The following ADRA1A variants were observed in gnomAD, a reference collection of about 807,000 sequenced individuals.
The protein encoded by ADRA1A is alpha-1A adrenergic receptor.
Under a neutral mutation model 29.6 loss-of-function variants are expected in ADRA1A, and 31 were observed. The observed-to-expected ratio is 1.05, with a 90% CI of 0.79 to 1.41. The LOEUF is 1.41. ADRA1A is among the 40% of genes most tolerant of loss of function. The pLI, the probability that ADRA1A is intolerant of heterozygous loss-of-function variation, is 0.00. For synonymous variants in ADRA1A, 311 were observed against 254.3 expected (o/e 1.22, Z -2.12); for missense variants, 619 against 601.1 (o/e 1.03, Z -0.31).
chr8:26,839,526 T>A (rs1811662869), intron 2 of ADRA1A, among the ~76,000 whole-genome samples: 1 of 152,162 alleles, frequency 6.6e-6, no homozygotes, highest in Non-Finnish European at 1.5e-5. Flanking sequence ...ACCTGTACAA[T>A]GATTTTGGTC....
rs1366863791 is a variant in ADRA1A at position 26,841,636 on chromosome 8, T to C, written c.883+22451A>G. 6.6e-6 allele frequency among the ~76,000 whole-genome samples: 1 copy of C among 152,174 alleles called. No individual in the cohort carries two copies. Among genetic ancestry groups the C allele is most frequent in the Non-Finnish European group, 1.5e-5 (1 of 68,036 alleles). On this transcript the variant is annotated intron_variant, in intron 2 of 2. Coordinates refer to ENST00000380573, the MANE Select transcript of ADRA1A (RefSeq NM_000680.4). This position sits in a 1 kb window ranked among gnomAD's most constrained non-coding sequence, Gnocchi z 4.4. Reference sequence around the variant, plus strand: ...TCCACTTTTATTTCCACATCCTCCATGACAAGCCTCCTGTCCCTAACATTC... The same window carrying C: ...TCCACTTTTATTTCCACATCCTCCACGACAAGCCTCCTGTCCCTAACATTC...
intron 2 of ADRA1A, among the ~76,000 whole-genome samples, chr8:26,839,767 T>C (rs1056320111): frequency 1.2e-4 from 19 of 152,096 alleles, no homozygotes; most frequent in African/African-American, 4.6e-4. Flanking sequence ...TCACCAAGCC[T>C]AGAAAATAGG....
At chr8:26,827,617 CTTTCTTTTTTT>C (rs1020477381) in intron 2 of ADRA1A, among the ~76,000 whole-genome samples, 15 of 151,398 alleles carry the variant, frequency 9.9e-5, no homozygotes, top group African/African-American at 2.9e-4. Flanking sequence ...TCTTTCTTTT[CTTTCTTTTTTT>C]TTTCTTTTTT....
At position 26,831,366 on chromosome 8, in the gene ADRA1A, CAG is replaced by C. The variant is rs372634911; in HGVS notation, c.883+32719_883+32720del. 2.0e-4 allele frequency among the ~76,000 whole-genome samples: 30 copies of C among 150,050 alleles called. No homozygotes were observed. Among genetic ancestry groups the C allele is most frequent in the Non-Finnish European group, 2.5e-4 (17 of 67,248 alleles). On this transcript the variant is annotated intron_variant, in intron 2 of 2. Transcript: ENST00000380573. The surrounding 1 kb of genome is among the most constrained non-coding windows in gnomAD (Gnocchi z 5.2). Reference sequence around the variant, plus strand: ...AGAAGAGATGCCAATGATGACGAGGCAGAGAGAGAGAGAGAAGGAGAGAGAGA... The same window carrying C: ...AGAAGAGATGCCAATGATGACGAGGCAGAGAGAGAGAGAAGGAGAGAGAGA...
At chr8:26,854,416 A>AGGGGGGGGGGGGGGGGG (rs1200564632) in intron 2 of ADRA1A, 1 of 18,700 alleles carries the variant, frequency 5.3e-5, no homozygotes. Context: ...CTGAAGTTAA[A>AGGGGGGGGGGGGGGGGG]GCGGGGCGGG....
chr8:26,750,514 G>A (rs1187699357), intron 2 of ADRA1A, among the ~76,000 whole-genome samples: 1 of 152,100 alleles, frequency 6.6e-6, no homozygotes, highest in Non-Finnish European at 1.5e-5. Context: ...GTCTCTTCCT[G>A]TAAGGACAAA....
At chr8:26,757,531 G>T (rs1198038674) in intron 2 of ADRA1A, among the ~76,000 whole-genome samples, 1 of 145,408 alleles carries the variant, frequency 6.9e-6, no homozygotes, top group Admixed American at 7.0e-5. Flanking sequence ...CCCCACCTCT[G>T]CTCCATCAGG....
At chr8:26,816,533 ATGTGTGTG>A (rs59536491) in intron 2 of ADRA1A, among the ~76,000 whole-genome samples, 90 of 147,580 alleles carry the variant, frequency 6.1e-4, no homozygotes, top group East Asian at 2.2e-3. Context: ...CTCATGGTGT[ATGTGTGTG>A]TGTGTGTGTG....
chr8:26,797,475 T>C (rs1376730677), intron 2 of ADRA1A, among the ~76,000 whole-genome samples: 4 of 151,972 alleles, frequency 2.6e-5, no homozygotes, highest in African/African-American at 9.7e-5. Context: ...TTTTTGATTT[T>C]TTTTGTGAAG....
rs114857367 is a variant in ADRA1A, at chr8:26,772,060, G to T, written c.884-1394C>A. 659 of 164,190 alleles carry T rather than the reference G, an allele frequency of 4.0e-3. 9 individuals carry two copies. The highest frequency in any genetic ancestry group is 0.015 in the African/African-American group (638 of 41,648). The allele number at this position is 164,190 out of a possible 1,614,324, so 10.2% of individuals were successfully genotyped here. A position where few individuals can be genotyped will look rare whatever the true frequency, so the allele number is the denominator to read the frequency against. On this transcript the variant is annotated intron_variant, in intron 2 of 2. Coordinates refer to ENST00000380573, the MANE Select transcript of ADRA1A (RefSeq NM_000680.4). ...CCCTTCTGTCACTGTGGCCTAGGCC[G>T]AGAAGAAGAAGGTGGAAGCAAAGAA... is the stretch of plus-strand genomic sequence containing the variant.
intron 2 of ADRA1A, among the ~76,000 whole-genome samples, chr8:26,783,996 G>C (rs1460251867): frequency 6.6e-6 from 1 of 151,886 alleles, no homozygotes. Flanking sequence ...GACACAATGG[G>C]GGGAACAACA....
chr8:26,790,190 T>C (rs1807713708), intron 2 of ADRA1A, among the ~76,000 whole-genome samples: 1 of 152,136 alleles, frequency 6.6e-6, no homozygotes, highest in East Asian at 1.9e-4. Context: ...CGATAGCCAA[T>C]ATATGGAATC....
chr8:26,859,930 G>C (rs1252193994), intron 2 of ADRA1A, among the ~76,000 whole-genome samples: 1 of 152,018 alleles, frequency 6.6e-6, no homozygotes, highest in Non-Finnish European at 1.5e-5. Flanking sequence ...ACCATGCCCA[G>C]CTAATTTTTG....
At chr8:26,781,570 C>A (rs1186579255) in intron 2 of ADRA1A, among the ~76,000 whole-genome samples, 1 of 152,256 alleles carries the variant, frequency 6.6e-6, no homozygotes, top group Non-Finnish European at 1.5e-5. Flanking sequence ...ATCTTCAAGA[C>A]ACTCACATTT....
At chr8:26,768,042 A>C (rs1805884120), downstream of ADRA1A, among the ~76,000 whole-genome samples, 1 of 152,234 alleles carries the variant, frequency 6.6e-6, no homozygotes, top group Non-Finnish European at 1.5e-5. Context: ...TTCTGAACAC[A>C]AGGCTGAATA....
At chr8:26,759,420 A>G (rs1003196329) in intron 2 of ADRA1A, among the ~76,000 whole-genome samples, 3 of 152,216 alleles carry the variant, frequency 2.0e-5, no homozygotes, top group Non-Finnish European at 4.4e-5. Context: ...TGTTATTTAA[A>G]TATTTGTAAT....
Position 26,841,479 on chromosome 8 carries a change from T to C in ADRA1A, c.883+22608A>G, listed in dbSNP as rs901210987. ...AACCACTGCCTGCAGATTCCCCTCCTTCTGTACTCATTTTTCTTTTCTTGG... is the reference window on the plus strand; with the variant it reads ...AACCACTGCCTGCAGATTCCCCTCCCTCTGTACTCATTTTTCTTTTCTTGG... On this transcript the variant is annotated intron_variant, in intron 2 of 2. Transcript: ENST00000380573. The surrounding 1 kb of genome is among the most constrained non-coding windows in gnomAD (Gnocchi z 4.4). 4.6e-5 allele frequency among the ~76,000 whole-genome samples: 7 copies of C among 152,198 alleles called. No homozygotes were observed. Among genetic ancestry groups the C allele is most frequent in the African/African-American group, 1.7e-4 (7 of 41,456 alleles).
intron 2 of ADRA1A, among the ~76,000 whole-genome samples, chr8:26,822,776 T>A (rs1810268171): frequency 6.6e-6 from 1 of 152,140 alleles, no homozygotes; most frequent in Non-Finnish European, 1.5e-5. Context: ...GGAAGCATGG[T>A]GACTTCCGCT....
chr8:26,806,697 C>A lies in ADRA1A; in HGVS notation c.884-36031G>T, dbSNP rs975018080. Among the ~76,000 whole-genome samples, 2 of 151,754 alleles carry A rather than the reference C, an allele frequency of 1.3e-5. No homozygotes were observed. Among genetic ancestry groups the A allele is most frequent in the Non-Finnish European group, 2.9e-5 (2 of 67,828 alleles). ...TTCTCCCTAAGTCTCTTTACTCTGG[C>A]TTAACCGAGAGTTCGGTCATTACAT... On this transcript the variant is annotated intron_variant, in intron 2 of 2. Coordinates refer to ENST00000380573, the MANE Select transcript of ADRA1A (RefSeq NM_000680.4). The surrounding 1 kb of genome is among the most constrained non-coding windows in gnomAD (Gnocchi z 4.6).
Sources: gnomAD v4.1 joint callset for allele counts (sites outside exome capture counted in the v4.1 genomes callset) on GRCh38, gnomAD v4.1.1 for gene constraint, Gnocchi (gnomAD v3.1) non-coding constraint, MANE v1.5 for transcripts, NCBI Gene and HGNC (gene_info 2026-07-23, HGNC 2026-07-21) for gene names.